The following RALGAPA2 variants were observed in gnomAD, a reference collection of about 807,000 sequenced individuals.
RALGAPA2 encodes the protein ral GTPase-activating protein subunit alpha-2.
Under a neutral mutation model 230.4 loss-of-function variants are expected in RALGAPA2, and 139 were observed. That is an observed-to-expected ratio of 0.60 (90% CI 0.53 to 0.69). The LOEUF (loss-of-function observed/expected upper bound fraction) is 0.69, where lower values mean the gene tolerates loss of function less well. Among genes scored for constraint, RALGAPA2 ranks in the 30% least tolerant of loss-of-function variants. The pLI, the probability that RALGAPA2 is intolerant of heterozygous loss-of-function variation, is 0.00. For missense variants in RALGAPA2, 2,163 were observed against 2,276.0 expected, an observed-to-expected ratio of 0.95 and a Z score of 1.01; for synonymous variants, 847 against 837.8, an observed-to-expected ratio of 1.01 and a Z score of -0.19.
chr20:20,631,177 T>C (rs950916175), intron 9 of RALGAPA2, among the ~76,000 whole-genome samples: 3 of 152,198 alleles, frequency 2.0e-5, no homozygotes, highest in African/African-American at 4.8e-5. Context: ...GAAGTTCAAC[T>C]ACCTTATTAA....
At chr20:20,500,477 G>T (rs1357279281) in intron 35 of RALGAPA2, among the ~76,000 whole-genome samples, 1 of 152,220 alleles carries the variant, frequency 6.6e-6, no homozygotes, top group Non-Finnish European at 1.5e-5. Flanking sequence ...TCCATAAGAA[G>T]CAACTTTTCA....
At chr20:20,534,608 G>A (rs1049655204) in intron 26 of RALGAPA2, among the ~76,000 whole-genome samples, 8 of 151,266 alleles carry the variant, frequency 5.3e-5, no homozygotes, top group Admixed American at 4.6e-4. Flanking sequence ...AATCACTGAA[G>A]AGAATGAGTC....
chr20:20,619,036 CTG>C (rs1485540777), intron 12 of RALGAPA2, among the ~76,000 whole-genome samples: 1 of 152,100 alleles, frequency 6.6e-6, no homozygotes, highest in Non-Finnish European at 1.5e-5. Context: ...CTCAAAAAGA[CTG>C]TAACCAGTTT....
chr20:20,518,305 T>C (rs2062936193), intron 31 of RALGAPA2, among the ~76,000 whole-genome samples: 2 of 152,312 alleles, frequency 1.3e-5, no homozygotes, highest in East Asian at 1.9e-4. Flanking sequence ...TCCACCTGCC[T>C]TGGCCTCCCA....
intron 30 of RALGAPA2, among the ~76,000 whole-genome samples, chr20:20,524,164 G>A (rs2063128044): frequency 6.6e-6 from 1 of 152,116 alleles, no homozygotes; most frequent in African/African-American, 2.4e-5. Context: ...CACCATGTTA[G>A]CCAGGATGGT....
intron 33 of RALGAPA2, among the ~76,000 whole-genome samples, chr20:20,508,083 A>C (rs573370964): frequency 1.8e-4 from 28 of 152,352 alleles, no homozygotes; most frequent in African/African-American, 5.5e-4. Flanking sequence ...TCATTAACTC[A>C]ATGTGAGAGC....
In RALGAPA2 at chr20:20,616,202, A is replaced by AC. The variant is rs1388494323; in HGVS notation, c.1540-12dup. The stretch of plus-strand genomic sequence containing the variant: ...GTTCGTCAAAAATACCTTAAAATCA[A>AC]CAACTTTACATTAGAAAATATAACT... On this transcript the variant is annotated splice_polypyrimidine_tract_variant and intron_variant, in intron 12 of 39. Coordinates refer to ENST00000202677, the MANE Select transcript of RALGAPA2 (RefSeq NM_020343.4). 6.7e-7 allele frequency: 1 copy of AC among 1,489,770 alleles called. No individual in the cohort carries two copies. The highest frequency in any genetic ancestry group is 2.5e-5 in the East Asian group (1 of 40,138). The allele number at this position is 1,489,770 out of a possible 1,614,324, so 92.3% of individuals were successfully genotyped here. A position where few individuals can be genotyped will look rare whatever the true frequency, so the allele number is the denominator to read the frequency against.
chr20:20,438,644 C>A (rs1217033490), intron 37 of RALGAPA2, among the ~76,000 whole-genome samples: 2 of 152,202 alleles, frequency 1.3e-5, no homozygotes, highest in South Asian at 2.1e-4. Flanking sequence ...TGCACGCACG[C>A]CAACTGTCCA....
chr20:20,414,065 A>C (rs1339159446), intron 37 of RALGAPA2, among the ~76,000 whole-genome samples: 1 of 152,242 alleles, frequency 6.6e-6, no homozygotes, highest in African/African-American at 2.4e-5. Context: ...GTTAGGCCTG[A>C]GTGGCCGTCT....
At position 20,546,721 on chromosome 20, in the gene RALGAPA2, T is replaced by C; in HGVS notation, c.3268A>G (p.Ser1090Gly). ...DFITAAARVL[S>G]TDILTAPRSE... The stretch of plus-strand genomic sequence containing the variant: ...ATACTCACCGTCAAAATGTCTGTGC[T>C]AAGGACCCTGGCAGCGGCCGTGATG... The change falls in exon 24 of 40, where the codon AGC (serine) becomes GGC (glycine). Residue 1090 changes from serine (S) to glycine (G), a missense_variant. Transcript: ENST00000202677. 1.2e-6 allele frequency: 2 copies of C among 1,608,058 alleles called. No individual in the cohort carries two copies. The highest frequency in any genetic ancestry group is 1.7e-6 in the Non-Finnish European group (2 of 1,178,226).
chr20:20,655,910 TC>T (rs11475856), intron 3 of RALGAPA2, among the ~76,000 whole-genome samples: 4,445 of 152,274 alleles, frequency 0.029, 85 homozygotes, highest in South Asian at 0.061. Context: ...AACACCTTTA[TC>T]CAAGAGATCA....
chr20:20,485,554 T>A (rs1440390860), intron 36 of RALGAPA2, among the ~76,000 whole-genome samples: 1 of 152,248 alleles, frequency 6.6e-6, no homozygotes, highest in Non-Finnish European at 1.5e-5. Context: ...TAAGTGAGAA[T>A]TTTATATGAG....
chr20:20,571,167 T>C (rs1286871318), intron 23 of RALGAPA2, among the ~76,000 whole-genome samples: 1 of 152,162 alleles, frequency 6.6e-6, no homozygotes, highest in East Asian at 1.9e-4. Context: ...GTGGTTATAA[T>C]AGTATTTTGA....
Position 20,683,263 on chromosome 20 carries a change from T to C in RALGAPA2, c.107-2462A>G, listed in dbSNP as rs190661545. On this transcript the variant is annotated intron_variant, in intron 1 of 39. Coordinates refer to ENST00000202677, the MANE Select transcript of RALGAPA2 (RefSeq NM_020343.4). ...TCACACAGGCTGTGACCTCTGCCCA[T>C]TGCCTGGGTTCCCTGCTTCCACTCT... Among the ~76,000 whole-genome samples, 525 of 152,278 alleles carry C rather than the reference T, an allele frequency of 3.4e-3. 2 individuals are homozygous for C. Among genetic ancestry groups the C allele is most frequent in the African/African-American group, 0.012 (483 of 41,556 alleles).
rs537320960 is a variant in RALGAPA2 at position 20,542,803 on chromosome 20, A to G, written c.3285+3901T>C. On this transcript the variant is annotated intron_variant, in intron 24 of 39. Transcript: ENST00000202677. ...TAAACATAAGACCTAAAACCATAAA[A>G]ACCCTAGAAAAAAACCTAGGCAACA... is the stretch of plus-strand genomic sequence containing the variant. 7.9e-5 allele frequency among the ~76,000 whole-genome samples: 12 copies of G among 152,272 alleles called. No homozygotes were observed. In the South Asian group the frequency reaches 2.3e-3, roughly 29 times the overall value.
intron 20 of RALGAPA2, among the ~76,000 whole-genome samples, chr20:20,579,842 A>G (rs1490123919): frequency 6.6e-6 from 1 of 152,126 alleles, no homozygotes; most frequent in African/African-American, 2.4e-5. Context: ...GTCAGACCTG[A>G]CAAGCCACAT....
At position 20,712,354 on chromosome 20, in the gene RALGAPA2, C is replaced by T. The variant is rs906704296; in HGVS notation, c.106+21G>A. ...GCCCCTAACCCGGCGCCCCGACCCC[C>T]GCGCCCGGCGCGCGCCTCACCCAGC... On this transcript the variant is annotated intron_variant, in intron 1 of 39. Coordinates refer to ENST00000202677, the MANE Select transcript of RALGAPA2 (RefSeq NM_020343.4). This position sits in a 1 kb window ranked among gnomAD's most constrained non-coding sequence, Gnocchi z 5.5. 3 of 1,545,078 alleles carry T rather than the reference C, an allele frequency of 1.9e-6. No individual in the cohort carries two copies. The South Asian group carries it at 3.6e-5, about 18-fold the overall frequency.
intron 38 of RALGAPA2, among the ~76,000 whole-genome samples, chr20:20,407,020 C>T (rs1293688729): frequency 6.6e-6 from 1 of 152,174 alleles, no homozygotes; most frequent in Non-Finnish European, 1.5e-5. Context: ...ATAGGGTGGG[C>T]ACAGGGCTGG....
At chr20:20,510,757 G>T (rs1223026506) in intron 33 of RALGAPA2, among the ~76,000 whole-genome samples, 1 of 152,168 alleles carries the variant, frequency 6.6e-6, no homozygotes, top group East Asian at 1.9e-4. Context: ...GCCAGCTTTG[G>T]AGAATGAGCC....
Sources: gnomAD v4.1 joint callset for allele counts (sites outside exome capture counted in the v4.1 genomes callset) on GRCh38, gnomAD v4.1.1 for gene constraint, Gnocchi (gnomAD v3.1) non-coding constraint, MANE v1.5 for transcripts, NCBI Gene and HGNC (gene_info 2026-07-23, HGNC 2026-07-21) for gene names.